TLN2: variants seen among roughly 807,000 people sequenced by gnomAD.
The protein encoded by TLN2 is talin-2.
Under a neutral mutation model 294.7 loss-of-function variants are expected in TLN2, and 118 were observed. The observed-to-expected ratio is 0.40, with a 90% CI of 0.34 to 0.47. The LOEUF (loss-of-function observed/expected upper bound fraction) is 0.47, where lower values mean the gene tolerates loss of function less well. Ranked by LOEUF, TLN2 falls within the 20% of genes least tolerant of loss-of-function variation. TLN2 has a pLI of 0.84. For missense variants in TLN2, 3,083 were observed against 3,282.2 expected (o/e 0.94, Z 1.48); for synonymous variants, 1,431 against 1,304.5 (o/e 1.10, Z -2.09).
At chr15:62,627,000 C>T (rs1048289019) in intron 3 of TLN2, among the ~76,000 whole-genome samples, 9 of 152,168 alleles carry the variant, frequency 5.9e-5, no homozygotes, top group South Asian at 2.1e-4. Flanking sequence ...AACTCTGCTC[C>T]GCTAAAATAG....
At chr15:62,421,681 G>T (rs544814891) in intron 1 of TLN2, among the ~76,000 whole-genome samples, 8 of 151,994 alleles carry the variant, frequency 5.3e-5, no homozygotes, top group Non-Finnish European at 1.2e-4. Context: ...TGGAGGGTAG[G>T]GGGTGGGGGG....
intron 1 of TLN2, among the ~76,000 whole-genome samples, chr15:62,553,447 T>G (rs1433801248): frequency 1.3e-5 from 2 of 151,926 alleles, no homozygotes; most frequent in Non-Finnish European, 2.9e-5. Context: ...ATCACGCCAT[T>G]GCACTCCAGT....
intron 1 of TLN2, among the ~76,000 whole-genome samples, chr15:62,407,852 T>G (rs75928024): frequency 6.6e-6 from 1 of 150,632 alleles, no homozygotes; most frequent in Admixed American, 6.6e-5. Context: ...GAGGCAGAGG[T>G]TATGGTGAGC....
At chr15:62,402,333 C>T (rs368553524) in intron 1 of TLN2, among the ~76,000 whole-genome samples, 30 of 152,332 alleles carry the variant, frequency 2.0e-4, no homozygotes, top group African/African-American at 7.0e-4. Context: ...TGGACAAACT[C>T]ACCAGTCTGA....
rs201378780 is a variant in TLN2 at position 62,727,127 on chromosome 15, C to T, written c.3296C>T (p.Ala1099Val). 185 of 1,614,102 alleles carry T rather than the reference C, an allele frequency of 1.1e-4. No individual in the cohort carries two copies. The highest frequency in any genetic ancestry group is 2.7e-4 in the South Asian group (25 of 91,086). The change falls in exon 28 of 59, where the codon GCG becomes GTG. Residue 1099 changes from alanine to valine, a missense_variant. By Grantham distance (64) the Ala-to-Val change is moderately conservative. Transcript: ENST00000636159. ...CAGGACCTGGGAAGCACATCCAAGG[C>T]GGTGGGCTCCTCCATGGCACAGCTG... The part of the protein sequence containing the change: ...CAQDLGSTSK[A>V]VGSSMAQLLT...
chr15:62,645,804 T>C (rs2051758917), intron 3 of TLN2, among the ~76,000 whole-genome samples: 2 of 152,194 alleles, frequency 1.3e-5, no homozygotes, highest in South Asian at 4.1e-4. Context: ...GGATTGATGT[T>C]ACCTGGGCTG....
chr15:62,740,067 G>A (rs1336794523), intron 31 of TLN2, among the ~76,000 whole-genome samples: 4 of 142,300 alleles, frequency 2.8e-5, no homozygotes, highest in Non-Finnish European at 4.6e-5. Context: ...TTTTTTCTGC[G>A]CTCCTTTGAC....
At chr15:62,593,266 G>C (rs1418896420) in intron 2 of TLN2, among the ~76,000 whole-genome samples, 3 of 152,152 alleles carry the variant, frequency 2.0e-5, no homozygotes, top group South Asian at 4.1e-4. Context: ...GATGACTGTA[G>C]GCATCATTTG....
chr15:62,718,497 T>C (rs2059924214), intron 24 of TLN2, among the ~76,000 whole-genome samples: 2 of 152,184 alleles, frequency 1.3e-5, no homozygotes, highest in Admixed American at 1.3e-4. Flanking sequence ...GTGCCACTGC[T>C]CCCACTTCAG....
intron 26 of TLN2, among the ~76,000 whole-genome samples, chr15:62,723,630 A>G (rs894160223): frequency 6.7e-6 from 1 of 149,786 alleles, no homozygotes; most frequent in Non-Finnish European, 1.5e-5. Flanking sequence ...TGTAACCTCA[A>G]TCTGCTGAAC....
At position 62,702,759 on chromosome 15, in the gene TLN2, T is replaced by C. The variant is rs749201118; in HGVS notation, c.1906-7T>C. The C allele has an allele frequency of 7.4e-5, 119 of 1,613,972 alleles. No homozygotes were observed. The highest frequency in any genetic ancestry group is 9.3e-5 in the Non-Finnish European group (110 of 1,179,956). Reference sequence around the variant, plus strand: ...CTTTCCAATTAAGGTGTGTTGTTTGTTCACAGCCTCGACAGACAGTTTTGA... The same window carrying C: ...CTTTCCAATTAAGGTGTGTTGTTTGCTCACAGCCTCGACAGACAGTTTTGA... On this transcript the variant is annotated splice_region_variant and splice_polypyrimidine_tract_variant and intron_variant, in intron 18 of 58. Coordinates refer to ENST00000636159, the MANE Select transcript of TLN2 (RefSeq NM_015059.3).
chr15:62,553,457 T>C (rs1375349757), intron 1 of TLN2, among the ~76,000 whole-genome samples: 3 of 151,466 alleles, frequency 2.0e-5, no homozygotes, highest in South Asian at 2.1e-4. Context: ...TGCACTCCAG[T>C]GTGGGCGACA....
intron 11 of TLN2, among the ~76,000 whole-genome samples, chr15:62,680,422 G>T (rs1386356923): frequency 6.6e-6 from 1 of 152,010 alleles, no homozygotes; most frequent in Non-Finnish European, 1.5e-5. Flanking sequence ...TTGTTAAATT[G>T]ATTAAATTGA....
intron 31 of TLN2, 141 bp from the exon 32 acceptor site, chr15:62,740,489 A>T: frequency 9.9e-7 from 1 of 1,012,844 alleles, no homozygotes; most frequent in Non-Finnish European, 1.5e-6. Flanking sequence ...TCAACGAGTT[A>T]GGCATCTGCG....
chr15:62,462,848 T>C (rs1176417602), intron 1 of TLN2, among the ~76,000 whole-genome samples: 1 of 152,164 alleles, frequency 6.6e-6, no homozygotes, highest in Non-Finnish European at 1.5e-5. Context: ...GTCTCATCTT[T>C]AATGAAAATG....
Position 62,657,849 on chromosome 15 carries a change from A to G in TLN2, c.739A>G (p.Ile247Val). 1 of 1,614,052 alleles carries G rather than the reference A, an allele frequency of 6.2e-7. No individual in the cohort carries two copies. The highest frequency in any genetic ancestry group is 1.1e-5 in the South Asian group (1 of 91,030). The change falls in exon 9 of 59, where the codon ATA (isoleucine) becomes GTA (valine). Residue 247 changes from isoleucine (I) to valine (V), a missense_variant. By Grantham distance (29) the Ile-to-Val change is conservative. Coordinates refer to ENST00000636159, the MANE Select transcript of TLN2 (RefSeq NM_015059.3). ...TGAGTTTGGTGGATTTCAAGCCCAG[A>G]TACAATTTGGACCTCATGTGGAACA... The part of the protein sequence containing the change: ...ACEFGGFQAQ[I>V]QFGPHVEHKH...
At position 62,842,375 on chromosome 15, in the gene TLN2, G is replaced by C. The variant is rs1169256228; in HGVS notation, c.*1765G>C. 1.3e-5 allele frequency: 2 copies of C among 152,172 alleles called. No homozygotes were observed. Among genetic ancestry groups the C allele is most frequent in the African/African-American group, 4.8e-5 (2 of 41,408 alleles). The allele number at this position is 152,172 out of a possible 1,614,324, so 9.4% of individuals were successfully genotyped here. A position where few individuals can be genotyped will look rare whatever the true frequency, so the allele number is the denominator to read the frequency against. ...GGCACACTCTTGGCTCGCCCTCTTTGAGTGGAGCTGATCCAACACCTCATG... is the reference window on the plus strand; with the variant it reads ...GGCACACTCTTGGCTCGCCCTCTTTCAGTGGAGCTGATCCAACACCTCATG... On this transcript the variant is annotated 3_prime_UTR_variant, in exon 59 of 59. Coordinates refer to ENST00000636159, the MANE Select transcript of TLN2 (RefSeq NM_015059.3).
At chr15:62,403,927 A>C (rs2033210242) in intron 1 of TLN2, among the ~76,000 whole-genome samples, 8 of 152,280 alleles carry the variant, frequency 5.3e-5, no homozygotes, top group Admixed American at 3.9e-4. Context: ...CTGCATCTAG[A>C]ATATAAGCTC....
intron 1 of TLN2, among the ~76,000 whole-genome samples, chr15:62,494,999 G>A (rs1046476707): frequency 2.6e-5 from 4 of 152,190 alleles, no homozygotes; most frequent in African/African-American, 9.7e-5. Flanking sequence ...GGAGAATGAT[G>A]CACGATGTGG....
Sources: allele counts gnomAD v4.1 joint callset (sites outside exome capture counted in the v4.1 genomes callset), GRCh38; gene constraint gnomAD v4.1.1; transcripts MANE v1.5; gene names NCBI Gene and HGNC (gene_info 2026-07-23, HGNC 2026-07-21).